The following TRAK1 variants were observed in gnomAD, a reference collection of about 807,000 sequenced individuals.
TRAK1 encodes the protein trafficking kinesin protein 1, also known as trafficking kinesin-binding protein 1.
In TRAK1, 33 loss-of-function variants were observed where a neutral mutation model predicts 92.1. The observed-to-expected ratio is 0.36, with a 90% CI of 0.27 to 0.48. The LOEUF (loss-of-function observed/expected upper bound fraction) is 0.48, where lower values mean the gene tolerates loss of function less well. Ranked by LOEUF, TRAK1 falls within the 20% of genes least tolerant of loss-of-function variation. TRAK1 has a pLI of 0.99. For missense variants in TRAK1, 1,123 were observed against 1,257.9 expected (o/e 0.89, Z 1.62); for synonymous variants, 521 against 517.3 (o/e 1.01, Z -0.10).
In TRAK1 at chr3:42,133,579, C is replaced by T. The variant is rs1697500537; in HGVS notation, c.286+7965C>T. On this transcript the variant is annotated intron_variant, in intron 2 of 15. Coordinates refer to ENST00000327628, the MANE Select transcript of TRAK1 (RefSeq NM_001042646.3). ...GCTGTCCATGACAAGCCTTCCTTGA[C>T]CACCCCATCTGTGGCATCCCCCACT... Among the ~76,000 whole-genome samples the T allele has an allele frequency of 2.0e-5, 3 of 152,180 alleles. No homozygotes were observed. The South Asian group carries it at 6.2e-4, about 31-fold the overall frequency.
intron 1 of TRAK1, among the ~76,000 whole-genome samples, chr3:42,096,216 G>A (rs1705885867): frequency 6.6e-6 from 1 of 152,136 alleles, no homozygotes; most frequent in African/African-American, 2.4e-5. Context: ...GAAATTCATA[G>A]ATAACGAATC....
At chr3:42,192,732 C>A (rs922848703) in intron 7 of TRAK1, among the ~76,000 whole-genome samples, 1 of 152,154 alleles carries the variant, frequency 6.6e-6, no homozygotes, top group African/African-American at 2.4e-5. Context: ...TGGCTAGATG[C>A]ACTCATGTTT....
At chr3:42,187,902 A>G in intron 4 of TRAK1, 143 bp from the exon 5 acceptor site, 1 of 715,436 alleles carries the variant, frequency 1.4e-6, no homozygotes, top group Non-Finnish European at 2.5e-6. Context: ...TTTGAATAGC[A>G]CAAAATCAGT....
intron 2 of TRAK1, among the ~76,000 whole-genome samples, chr3:42,166,128 C>T (rs1404296045): frequency 6.6e-6 from 1 of 152,066 alleles, no homozygotes; most frequent in Non-Finnish European, 1.5e-5. Context: ...GTCAGGAATT[C>T]CTCGAGGGTA....
At chr3:42,047,362 AT>A (rs58871625) in intron 1 of TRAK1, among the ~76,000 whole-genome samples, 14,316 of 139,414 alleles carry the variant, frequency 0.1, 2,185 homozygotes, top group African/African-American at 0.33. Context: ...TGCCCGGGTG[AT>A]TTTTTTTTTT....
At chr3:42,132,147 A>T (rs1697286974) in intron 2 of TRAK1, among the ~76,000 whole-genome samples, 1 of 152,144 alleles carries the variant, frequency 6.6e-6, no homozygotes, top group African/African-American at 2.4e-5. Flanking sequence ...CAAGTCCCTG[A>T]TATGAAATGG....
chr3:42,161,088 C>T (rs1701225428), intron 2 of TRAK1, among the ~76,000 whole-genome samples: 2 of 151,902 alleles, frequency 1.3e-5, no homozygotes, highest in Non-Finnish European at 2.9e-5. Flanking sequence ...AATGAATAGC[C>T]CAAGGCTGAC....
intron 1 of TRAK1, among the ~76,000 whole-genome samples, chr3:42,104,909 A>G (rs186182962): frequency 4.0e-4 from 61 of 152,220 alleles, no homozygotes; most frequent in African/African-American, 1.4e-3. Context: ...TCTCCAAGCT[A>G]AAGGAGGATG....
At chr3:42,213,507 G>T (rs1709326684) in intron 14 of TRAK1, among the ~76,000 whole-genome samples, 1 of 152,240 alleles carries the variant, frequency 6.6e-6, no homozygotes, top group South Asian at 2.1e-4. Context: ...TGATACATAG[G>T]CCCAAGGTCA....
At chr3:42,092,835 C>T (rs1576303298) in intron 1 of TRAK1, among the ~76,000 whole-genome samples, 1 of 152,204 alleles carries the variant, frequency 6.6e-6, no homozygotes, top group South Asian at 2.1e-4. Flanking sequence ...ATCCCCCTGC[C>T]TCGGCCTCCC....
chr3:42,059,209 T>C (rs576218259), intron 1 of TRAK1, among the ~76,000 whole-genome samples: 1 of 152,044 alleles, frequency 6.6e-6, no homozygotes, highest in Non-Finnish European at 1.5e-5. Flanking sequence ...AATCTCCCCC[T>C]CAGCTTCCTG....
intron 1 of TRAK1, among the ~76,000 whole-genome samples, chr3:42,028,467 A>C (rs1316021469): frequency 1.3e-5 from 2 of 152,208 alleles, no homozygotes; most frequent in African/African-American, 2.4e-5. Flanking sequence ...CAGACCAAAG[A>C]GACCCAATGT....
intron 1 of TRAK1, among the ~76,000 whole-genome samples, chr3:42,110,884 C>T (rs1031682101): frequency 2.6e-5 from 4 of 152,188 alleles, no homozygotes; most frequent in African/African-American, 9.7e-5. Context: ...CTGCTCATTC[C>T]ATCCTGCAGC....
At chr3:42,168,832 G>A (rs1433743495) in intron 2 of TRAK1, among the ~76,000 whole-genome samples, 1 of 151,094 alleles carries the variant, frequency 6.6e-6, no homozygotes. Flanking sequence ...AAAAATTGTT[G>A]TTATTTTTTG....
At position 42,156,892 on chromosome 3, in the gene TRAK1, G is replaced by A. The variant is rs2029126; in HGVS notation, c.287-19922G>A. Among the ~76,000 whole-genome samples, 890 of 152,238 alleles carry A rather than the reference G, an allele frequency of 5.8e-3. 12 individuals are homozygous for A. The highest frequency in any genetic ancestry group is 0.02 in the African/African-American group (825 of 41,530). The stretch of plus-strand genomic sequence containing the variant: ...GGGCCGGGTTCTGTGGCTCATGCCC[G>A]TTCATAATCCCAACACTTTGGGAGG... On this transcript the variant is annotated intron_variant, in intron 2 of 15. Coordinates refer to ENST00000327628, the MANE Select transcript of TRAK1 (RefSeq NM_001042646.3).
intron 1 of TRAK1, among the ~76,000 whole-genome samples, chr3:42,123,821 C>T (rs188508697): frequency 7.2e-5 from 11 of 152,092 alleles, no homozygotes; most frequent in Admixed American, 2.6e-4. Context: ...TACTTCAAAG[C>T]GAGAACTTGG....
intron 14 of TRAK1, chr3:42,210,364 C>A (rs1045446589): frequency 5.1e-5 from 68 of 1,330,934 alleles, no homozygotes; most frequent in Non-Finnish European, 6.3e-5. Context: ...AGGTGCATGG[C>A]CCATCAGGGA....
intron 2 of TRAK1, among the ~76,000 whole-genome samples, chr3:42,174,459 G>A (rs1339673769): frequency 6.6e-6 from 1 of 151,920 alleles, no homozygotes; most frequent in African/African-American, 2.4e-5. Context: ...TTACCATTGG[G>A]GGAACTGGAT....
chr3:42,026,567 C>T (rs1701926864), intron 1 of TRAK1, among the ~76,000 whole-genome samples: 1 of 150,730 alleles, frequency 6.6e-6, no homozygotes, highest in Admixed American at 6.6e-5. Flanking sequence ...CTCTGTTGCC[C>T]AGGCTAGAGT....
Sources: allele counts gnomAD v4.1 joint callset (sites outside exome capture counted in the v4.1 genomes callset), GRCh38; gene constraint gnomAD v4.1.1; transcripts MANE v1.5; gene names NCBI Gene and HGNC (gene_info 2026-07-23, HGNC 2026-07-21).